The following L1CAM variants were observed in gnomAD, a reference collection of about 807,000 sequenced individuals.
The protein encoded by L1CAM is L1 cell adhesion molecule, also known as neural cell adhesion molecule L1.
In L1CAM, 8 loss-of-function variants were observed where a neutral mutation model predicts 93.0. The observed-to-expected ratio is 0.09, with a 90% confidence interval of 0.05 to 0.16. The LOEUF (loss-of-function observed/expected upper bound fraction) is 0.16, where lower values mean the gene tolerates loss of function less well. Ranked by LOEUF, L1CAM falls within the 10% of genes least tolerant of loss-of-function variation. The pLI is 1.00. For missense variants in L1CAM, 777 were observed against 1,073.4 expected (o/e 0.72, Z 3.86); for synonymous variants, 453 against 453.0 (o/e 1.00, Z 0.00).
chrX:153,881,319 G>C (rs1458003380), intron 1 of L1CAM, among the ~76,000 whole-genome samples: 3 of 111,933 alleles, frequency 2.7e-5, no homozygotes, highest in Non-Finnish European at 5.7e-5. Context: ...TTTAGAGGGC[G>C]TGGTGGCTCC....
intron 1 of L1CAM, among the ~76,000 whole-genome samples, chrX:153,881,414 C>T (rs2064844320): frequency 1.8e-5 from 2 of 111,676 alleles, no homozygotes; most frequent in Non-Finnish European, 3.8e-5. Context: ...GCGAGGATGG[C>T]CTCCAAGCCA....
rs1557090303 is a variant in L1CAM, at chrX:153,864,931, T to C, written c.2936A>G (p.Asn979Ser). 8.3e-7 allele frequency: 1 copy of C among 1,211,491 alleles called. No individual in the cohort carries two copies. Among genetic ancestry groups the C allele is most frequent in the Non-Finnish European group, 1.1e-6 (1 of 895,263 alleles). The change falls in exon 23 of 29, where the codon AAC becomes AGC. Residue 979 changes from asparagine (N) to serine (S), a missense_variant. Asn to Ser is a conservative substitution (Grantham distance 46). Coordinates refer to ENST00000370060, the MANE Select transcript of L1CAM (RefSeq NM_001278116.2). ...NLRDPELRTH[N>S]LTDLSPHLRY... ...CAGGTGGGGGCTGAGATCGGTCAGG[T>C]TGTGTGTCCGAAGTTCGGGGTCCCG...
intron 19 of L1CAM, 38 bp from the exon 20 acceptor site, chrX:153,865,857 C>G (rs1603274440): frequency 3.0e-6 from 3 of 987,179 alleles, no homozygotes; most frequent in East Asian, 6.1e-5. Context: ...GCCATAGGCT[C>G]TCACCCCAGC....
At chrX:153,875,287 TGACCAAGGGCCCAGGAG>T (rs1326716221) in intron 2 of L1CAM, among the ~76,000 whole-genome samples, 2 of 110,736 alleles carry the variant, frequency 1.8e-5, no homozygotes, top group Non-Finnish European at 3.8e-5. Context: ...AGAGACAGGG[TGACCAAGGGCCCAGGAG>T]GGGAAAGAGA....
At chrX:153,875,635 T>C (rs2148502393) in intron 2 of L1CAM, 126 bp downstream of exon 2, 1 of 628,621 alleles carries the variant, frequency 1.6e-6, no homozygotes, top group East Asian at 3.3e-5. Flanking sequence ...CTGCCCACCC[T>C]GTGCCCAGGA....
In L1CAM at chrX:153,862,537, G is replaced by A. The variant is rs200179269; in HGVS notation, c.*126C>T. The A allele has an allele frequency of 1.2e-4, 64 of 513,316 alleles. No individual in the cohort carries two copies. The highest frequency in any genetic ancestry group is 1.8e-4 in the Non-Finnish European group (58 of 313,599). 42.3% of individuals were successfully genotyped at this position (513,316 alleles called of 1,213,427 possible). On this transcript the variant is annotated 3_prime_UTR_variant, in exon 29 of 29. Coordinates refer to ENST00000370060, the MANE Select transcript of L1CAM (RefSeq NM_001278116.2). ...TTTGGCAATAAAGTGGGGACCGGGTGGTAGGAAGGGGATCCGAGGCAGCAA... is the reference window on the plus strand; with the variant it reads ...TTTGGCAATAAAGTGGGGACCGGGTAGTAGGAAGGGGATCCGAGGCAGCAA...
intron 1 of L1CAM, chrX:153,876,255 G>A: frequency 2.7e-6 from 1 of 366,868 alleles, no homozygotes; most frequent in Admixed American, 4.6e-5. Context: ...CCCTGTGCAT[G>A]GCATGCACAT....
At chrX:153,881,179 C>G (rs1318367291) in intron 1 of L1CAM, among the ~76,000 whole-genome samples, 3 of 112,237 alleles carry the variant, frequency 2.7e-5, no homozygotes, top group Non-Finnish European at 5.6e-5. Context: ...TCATCTCCTC[C>G]CCAGATTTGC....
In L1CAM at chrX:153,869,617, G is replaced by T; in HGVS notation, c.1170C>A (p.Ile390=). ...QKYRIQRGAL[I]LSNVQPSDTM... is the part of the protein sequence containing the mutation. The stretch of plus-strand genomic sequence containing the variant: ...TGTCACTGGGCTGCACGTTGCTCAG[G>T]ATCAGGGCGCCACGCTGAATCCGGT... Residue 390 remains isoleucine (I), a synonymous_variant, in exon 11 of 29, where the codon ATC becomes ATA. Coordinates refer to ENST00000370060, the MANE Select transcript of L1CAM (RefSeq NM_001278116.2). 2 of 1,209,542 alleles carry T rather than the reference G, an allele frequency of 1.7e-6. No homozygotes were observed. Among genetic ancestry groups the T allele is most frequent in the Non-Finnish European group, 2.2e-6 (2 of 894,478 alleles).
intron 1 of L1CAM, among the ~76,000 whole-genome samples, chrX:153,882,663 C>T (rs955324471): frequency 5.4e-5 from 6 of 110,678 alleles, no homozygotes; most frequent in African/African-American, 2.0e-4. Flanking sequence ...CAGACCCGCA[C>T]TGGGATGGAC....
chrX:153,864,525 A>G (rs200639584), intron 24 of L1CAM, 48 bp from the exon 25 acceptor site: 17 of 1,206,521 alleles, frequency 1.4e-5, no homozygotes, highest in Non-Finnish European at 1.9e-5. Flanking sequence ...AGTGCCAGGC[A>G]ACCCCTCTGG....
chrX:153,883,117 T>C (rs1200569436), intron 1 of L1CAM, among the ~76,000 whole-genome samples: 3 of 110,128 alleles, frequency 2.7e-5, no homozygotes, highest in Admixed American at 9.6e-5. Flanking sequence ...AGGCGTAGAG[T>C]CCAGCAGAAG....
intron 28 of L1CAM, 149 bp from the exon 29 acceptor site, chrX:153,863,043 G>T (rs1020920511): frequency 4.1e-6 from 2 of 489,093 alleles, no homozygotes; most frequent in Non-Finnish European, 6.9e-6. Context: ...GGCAGGTCTG[G>T]AGCTGTCATC....
intron 7 of L1CAM, 82 bp from the exon 8 acceptor site, chrX:153,870,581 G>T: frequency 1.1e-6 from 1 of 892,297 alleles, no homozygotes; most frequent in Non-Finnish European, 1.6e-6. Context: ...CGACACTCCA[G>T]CCAGCCCCCG....
intron 26 of L1CAM, 131 bp from the exon 27 acceptor site, chrX:153,863,680 G>A (rs782217224): frequency 1.9e-5 from 16 of 824,012 alleles, no homozygotes; most frequent in South Asian, 8.9e-5. Flanking sequence ...GAAAGAAACC[G>A]CTCACCCCCT....
At position 153,864,108 on chromosome X, in the gene L1CAM, G is replaced by T. The variant is rs1484994646; in HGVS notation, c.3323-91C>A. On this transcript the variant is annotated intron_variant, in intron 25 of 28. Coordinates refer to ENST00000370060, the MANE Select transcript of L1CAM (RefSeq NM_001278116.2). ...TATGCTCTTAAAGTTGGGGCCCTCTGGGGGGCTAAGGAGTGACAGGGACAG... is the reference window on the plus strand; with the variant it reads ...TATGCTCTTAAAGTTGGGGCCCTCTTGGGGGCTAAGGAGTGACAGGGACAG... 5.2e-6 allele frequency: 6 copies of T among 1,147,187 alleles called. No homozygotes were observed. The Admixed American group carries it at 6.7e-5, about 13-fold the overall frequency. 94.5% of individuals were successfully genotyped at this position (1,147,187 alleles called of 1,213,427 possible). A position where few individuals can be genotyped will look rare whatever the true frequency, so the allele number is the denominator to read the frequency against.
intron 2 of L1CAM, 163 bp downstream of exon 2, chrX:153,875,598 G>C (rs782750887): frequency 8.2e-5 from 44 of 536,353 alleles, no homozygotes; most frequent in Non-Finnish European, 1.3e-4. Flanking sequence ...CCTTCTCTCC[G>C]GGGGTACCCA....
At chrX:153,882,985 G>C (rs1383955999) in intron 1 of L1CAM, among the ~76,000 whole-genome samples, 1 of 112,242 alleles carries the variant, frequency 8.9e-6, no homozygotes, top group Non-Finnish European at 1.9e-5. Context: ...TTGATATCTG[G>C]GGAAGAGGCA....
chrX:153,883,801 G>C, intron 1 of L1CAM: 1 of 342,942 alleles, frequency 2.9e-6, no homozygotes, highest in Non-Finnish European at 5.9e-6. Flanking sequence ...TGCCCTCCTG[G>C]AGCCTGGGCC....
Sources: allele counts gnomAD v4.1 joint callset (sites outside exome capture counted in the v4.1 genomes callset), GRCh38; gene constraint gnomAD v4.1.1; transcripts MANE v1.5; gene names NCBI Gene and HGNC (gene_info 2026-07-23, HGNC 2026-07-21).